The following SPATA33 variants were observed in gnomAD, a reference collection of about 807,000 sequenced individuals.
The protein encoded by SPATA33 is spermatogenesis-associated protein 33.
Under a neutral mutation model 8.9 loss-of-function variants are expected in SPATA33, and 10 were observed. That is an observed-to-expected ratio of 1.12 (90% CI 0.69 to 1.90). The LOEUF is 1.90. SPATA33 is among the 40% of genes most tolerant of loss of function. SPATA33 has a pLI of 0.00. For missense variants in SPATA33, 241 were observed against 178.3 expected (o/e 1.35, Z -2.00); for synonymous variants, 96 against 72.8 (o/e 1.32, Z -1.63).
At chr16:89,660,693 A>G in intron 2 of SPATA33, 1 of 783,234 alleles carries the variant, frequency 1.3e-6, no homozygotes, top group African/African-American at 1.8e-5. Context: ...AGGCACATTT[A>G]CAGAGAGAAG....
Position 89,669,139 on chromosome 16 carries a change from G to A in SPATA33, c.212-147G>A, listed in dbSNP as rs2060064325. ...TCCCTTAAGCCCTGTAATGTTCATG[G>A]ACAGTTTTGATCACTTTTGGACTCA... On this transcript the variant is annotated intron_variant, in intron 2 of 2. Coordinates refer to ENST00000579310, the MANE Select transcript of SPATA33 (RefSeq NM_001271907.2). The A allele has an allele frequency of 5.7e-6, 4 of 703,268 alleles. No individual in the cohort carries two copies. The Admixed American group carries it at 9.2e-5, about 16-fold the overall frequency. 43.6% of individuals were successfully genotyped at this position (703,268 alleles called of 1,614,324 possible).
At chr16:89,666,175 A>G (rs1488718661) in intron 2 of SPATA33, among the ~76,000 whole-genome samples, 1 of 152,182 alleles carries the variant, frequency 6.6e-6, no homozygotes. Context: ...CAAGTAGGTT[A>G]GAGTAAAAAA....
At chr16:89,658,517 C>G in intron 2 of SPATA33, 96 bp downstream of exon 2, 1 of 1,447,104 alleles carries the variant, frequency 6.9e-7, no homozygotes, top group Non-Finnish European at 9.2e-7. Flanking sequence ...CGGATGGACA[C>G]TAGTAGCAGG....
chr16:89,660,643 C>A, intron 2 of SPATA33: 1 of 983,076 alleles, frequency 1.0e-6, no homozygotes, highest in Non-Finnish European at 1.3e-6. Flanking sequence ...GAGGAAAGAC[C>A]ACTCATGTTG....
intron 2 of SPATA33, chr16:89,658,738 A>C: frequency 2.5e-6 from 1 of 404,610 alleles, no homozygotes; most frequent in South Asian, 2.6e-5. Flanking sequence ...GCCACTGAGA[A>C]TCCCTGAGCC....
Position 89,660,907 on chromosome 16 carries a change from C to T in SPATA33, c.211+2486C>T, listed in dbSNP as rs1168147034. On this transcript the variant is annotated intron_variant, in intron 2 of 2. Coordinates refer to ENST00000579310, the MANE Select transcript of SPATA33 (RefSeq NM_001271907.2). ...TAGTGATTCCAGGCTCTGGCTGGAA[C>T]CTTGAGTCTTCTCAGCTTGGGGCAT... 5 of 1,048,562 alleles carry T rather than the reference C, an allele frequency of 4.8e-6. No homozygotes were observed. The South Asian group carries it at 1.8e-4, about 38-fold the overall frequency. The allele number at this position is 1,048,562 out of a possible 1,614,324, so 65.0% of individuals were successfully genotyped here.
chr16:89,668,473 C>T (rs1389056169), intron 2 of SPATA33, among the ~76,000 whole-genome samples: 1 of 43,712 alleles, frequency 2.3e-5, no homozygotes, highest in Non-Finnish European at 7.2e-5. Flanking sequence ...AGTCTTCTAA[C>T]CCTGACCACA....
At chr16:89,665,045 G>C (rs1408399464) in intron 2 of SPATA33, among the ~76,000 whole-genome samples, 2 of 152,184 alleles carry the variant, frequency 1.3e-5, no homozygotes, top group African/African-American at 2.4e-5. Flanking sequence ...ACCCAGGCTG[G>C]AGTGCAGTGG....
chr16:89,661,569 T>C (rs1358594418), intron 2 of SPATA33: 2 of 152,226 alleles, frequency 1.3e-5, no homozygotes, highest in African/African-American at 4.8e-5. Flanking sequence ...ATAGATGTAT[T>C]ATACTGTTAC....
chr16:89,663,589 CAGGG>C (rs1313080653), intron 2 of SPATA33, among the ~76,000 whole-genome samples: 1 of 151,990 alleles, frequency 6.6e-6, no homozygotes, highest in Non-Finnish European at 1.5e-5. Context: ...AAATTATAGA[CAGGG>C]AGGACAGATT....
At chr16:89,660,546 G>A (rs2059953529) in intron 2 of SPATA33, 6 of 1,231,854 alleles carry the variant, frequency 4.9e-6, no homozygotes, top group Non-Finnish European at 6.1e-6. Context: ...GCAGTGACGG[G>A]CTGAGCGACA....
At chr16:89,662,293 CAA>C (rs34420644) in intron 2 of SPATA33, among the ~76,000 whole-genome samples, 1 of 141,780 alleles carries the variant, frequency 7.1e-6, no homozygotes. Context: ...GACTCCATCT[CAA>C]AAAAAAAAAA....
chr16:89,658,528 C>A, intron 2 of SPATA33, 107 bp downstream of exon 2: 1 of 1,398,858 alleles, frequency 7.1e-7, no homozygotes, highest in Non-Finnish European at 9.5e-7. Context: ...TAGTAGCAGG[C>A]ACGCGCCGTA....
chr16:89,661,185 C>G lies in SPATA33; in HGVS notation c.211+2764C>G, dbSNP rs1597802277. On this transcript the variant is annotated intron_variant, in intron 2 of 2. Coordinates refer to ENST00000579310, the MANE Select transcript of SPATA33 (RefSeq NM_001271907.2). ...GGAGAAAGTTTGGCCATAAGTTAAT[C>G]ACTGTGGCAGCTGTTAGGATATTGA... is the stretch of plus-strand genomic sequence containing the variant. 1.2e-5 allele frequency: 12 copies of G among 985,304 alleles called. No homozygotes were observed. In the South Asian group the frequency reaches 5.2e-4, roughly 42 times the overall value. The allele number at this position is 985,304 out of a possible 1,614,324, so 61.0% of individuals were successfully genotyped here.
At chr16:89,658,674 G>A (rs951814093) in intron 2 of SPATA33, 37 of 538,494 alleles carry the variant, frequency 6.9e-5, no homozygotes, top group African/African-American at 6.6e-4. Context: ...GAGGGGCTGG[G>A]GCAGTGTGCG....
intron 2 of SPATA33, among the ~76,000 whole-genome samples, chr16:89,663,242 T>G (rs1348340784): frequency 1.2e-5 from 1 of 81,230 alleles, no homozygotes; most frequent in Non-Finnish European, 2.5e-5. Flanking sequence ...ATTCCATTTC[T>G]TTTTTTTTTT....
intron 2 of SPATA33, 152 bp downstream of exon 2, chr16:89,658,573 A>G: frequency 4.1e-6 from 4 of 971,378 alleles, no homozygotes; most frequent in Non-Finnish European, 5.9e-6. Flanking sequence ...AACTTTATGT[A>G]GGAGGTAAAT....
At chr16:89,660,854 G>T in intron 2 of SPATA33, 9 of 1,142,778 alleles carry the variant, frequency 7.9e-6, no homozygotes, top group Non-Finnish European at 9.7e-6. Context: ...TCCAGCCCAG[G>T]AGCCAGACCT....
chr16:89,657,803 T>C (rs936299533), upstream of SPATA33: 78 of 1,486,020 alleles, frequency 5.2e-5, no homozygotes, highest in Non-Finnish European at 6.8e-5. Context: ...GCGGTCGCCA[T>C]GGTGACGCAC....
Sources: allele counts gnomAD v4.1 joint callset (sites outside exome capture counted in the v4.1 genomes callset), GRCh38; gene constraint gnomAD v4.1.1; transcripts MANE v1.5; gene names NCBI Gene and HGNC (gene_info 2026-07-23, HGNC 2026-07-21).